Variants in ZSWIM2 observed in about 807,000 individuals in gnomAD.
The protein encoded by ZSWIM2 is zinc finger SWIM-type containing 2.
ZSWIM2 carries 38 observed loss-of-function variants against 48.4 expected under a neutral mutation model. The observed-to-expected ratio is 0.79, with a 90% CI of 0.61 to 1.03. The LOEUF is 1.03. Among genes scored for constraint, ZSWIM2 ranks in the 50% least tolerant of loss-of-function variants. The probability of loss-of-function intolerance (pLI) is 0.00; values close to 1 mark genes in which losing one functional copy is unlikely to be tolerated. For synonymous variants in ZSWIM2, 240 were observed against 251.3 expected (o/e 0.96, Z 0.42); for missense variants, 776 against 730.2 (o/e 1.06, Z -0.72).
chr2:186,845,325 T>G (rs1365217089), intron 2 of ZSWIM2, among the ~76,000 whole-genome samples: 1 of 151,434 alleles, frequency 6.6e-6, no homozygotes, highest in Non-Finnish European at 1.5e-5. Flanking sequence ...GTTACAATAT[T>G]GTACAACATG....
Position 186,834,022 on chromosome 2 carries a change from T to G in ZSWIM2, c.752A>C (p.Glu251Ala). The G allele has an allele frequency of 6.2e-7, 1 of 1,608,072 alleles. No homozygotes were observed. The highest frequency in any genetic ancestry group is 8.5e-7 in the Non-Finnish European group (1 of 1,175,436). ...PIEGKCYKCT[E>A]CIEYHLCQEC... is the part of the protein sequence containing the mutation. ...CTGGCATAAGTGATATTCTATGCATTCGGTACACCTAAAAATACAAAACAT... is the reference window on the plus strand; with the variant it reads ...CTGGCATAAGTGATATTCTATGCATGCGGTACACCTAAAAATACAAAACAT... Residue 251 changes from glutamate to alanine, a missense_variant, in exon 6 of 9, where the codon GAA (glutamate) becomes GCA (alanine). Transcript: ENST00000295131.
At chr2:186,833,052 T>A (rs961898177) in intron 7 of ZSWIM2, 68 bp downstream of exon 7, 13 of 658,170 alleles carry the variant, frequency 2.0e-5, no homozygotes, top group Admixed American at 1.5e-4. Flanking sequence ...AAATAAAACT[T>A]ATTCAAATTG....
At chr2:186,834,282 CA>C (rs1400052249) in intron 5 of ZSWIM2, among the ~76,000 whole-genome samples, 1 of 152,064 alleles carries the variant, frequency 6.6e-6, no homozygotes, top group Non-Finnish European at 1.5e-5. Context: ...GTGTTAAAAC[CA>C]AGGGGTTGGC....
rs533309089 is a variant in ZSWIM2 at position 186,833,228 on chromosome 2, C to G, written c.833G>C (p.Arg278Thr). 1.3e-6 allele frequency: 2 copies of G among 1,482,268 alleles called. No homozygotes were observed. Among genetic ancestry groups the G allele is most frequent in the Non-Finnish European group, 1.8e-6 (2 of 1,098,840 alleles). The allele number at this position is 1,482,268 out of a possible 1,614,324, so 91.8% of individuals were successfully genotyped here. A position where few individuals can be genotyped will look rare whatever the true frequency, so the allele number is the denominator to read the frequency against. ...LSHTFTFREK[R>T]NQKWRSLEKR... ...TTCTAGTGATCTCCATTTTTGGTTT[C>G]TTTTCTGTAATAGGTAAAAGTAGAT... Residue 278 changes from arginine to threonine, a missense_variant, in exon 7 of 9, where the codon AGA becomes ACA. Arg to Thr is a moderately conservative substitution (Grantham distance 71, BLOSUM62 -1). Transcript: ENST00000295131.
Position 186,837,314 on chromosome 2 carries a change from C to G in ZSWIM2, c.735G>C (p.Lys245Asn), listed in dbSNP as rs774357636. ...NNCKQFPIEG[K>N]CYKCTECIEY... ...TTACGGATAACACTTACTTATAACACTTCCCCTCAATTGGAAACTGTTTGC... is the reference window on the plus strand; with the variant it reads ...TTACGGATAACACTTACTTATAACAGTTCCCCTCAATTGGAAACTGTTTGC... Residue 245 changes from lysine to asparagine, a missense_variant, in exon 5 of 9, where the codon AAG becomes AAC. Physicochemically the swap from Lys to Asn is moderately conservative, Grantham distance 94 (BLOSUM62 0). Coordinates refer to ENST00000295131, the MANE Select transcript of ZSWIM2 (RefSeq NM_182521.3). 6.2e-7 allele frequency: 1 copy of G among 1,612,652 alleles called. No individual in the cohort carries two copies. Among genetic ancestry groups the G allele is most frequent in the East Asian group, 2.2e-5 (1 of 44,830 alleles).
chr2:186,848,419 A>G (rs1692043807), intron 1 of ZSWIM2, among the ~76,000 whole-genome samples: 1 of 152,254 alleles, frequency 6.6e-6, no homozygotes, highest in Non-Finnish European at 1.5e-5. Context: ...TGGGATATGC[A>G]ATTATGAAAT....
Position 186,828,062 on chromosome 2 carries a change from T to C in ZSWIM2, c.1824A>G (p.Leu608=), listed in dbSNP as rs374663310. ...CAGAGTGAGACACAGGCTGTCTTGA[T>C]AGATGACTACATTTTCGTGTAATTT... The part of the protein sequence containing the change: ...MGEITRKCSH[L]SRQPVSHSVN... The change falls in exon 9 of 9, where the codon CTA becomes CTG. Residue 608 remains leucine, a synonymous_variant. Transcript: ENST00000295131. 1.2e-6 allele frequency: 2 copies of C among 1,613,228 alleles called. No homozygotes were observed. The highest frequency in any genetic ancestry group is 1.7e-6 in the Non-Finnish European group (2 of 1,179,648).
At chr2:186,836,284 A>C (rs1302459713) in intron 5 of ZSWIM2, among the ~76,000 whole-genome samples, 1 of 152,056 alleles carries the variant, frequency 6.6e-6, no homozygotes, top group Non-Finnish European at 1.5e-5. Flanking sequence ...TTTTCCTGGA[A>C]TCCTCTTTGA....
At chr2:186,840,231 G>C (rs1691880306) in intron 3 of ZSWIM2, among the ~76,000 whole-genome samples, 1 of 151,422 alleles carries the variant, frequency 6.6e-6, no homozygotes, top group African/African-American at 2.4e-5. Context: ...CTCTAAAAAA[G>C]GAGAGAAAAA....
rs775437099 is a variant in ZSWIM2 at position 186,837,407 on chromosome 2, A to G, written c.642T>C (p.Ser214=). 3 of 1,613,022 alleles carry G rather than the reference A, an allele frequency of 1.9e-6. No individual in the cohort carries two copies. Among genetic ancestry groups the G allele is most frequent in the Non-Finnish European group, 2.5e-6 (3 of 1,179,330 alleles). Reference sequence around the variant, plus strand: ...TTTCTGCTGCAGCTACTAGTTTGCTAGAGTTTTTGAATTCCTCCAAAATCA... The same window carrying G: ...TTTCTGCTGCAGCTACTAGTTTGCTGGAGTTTTTGAATTCCTCCAAAATCA... ...LKLILEEFKN[S]SKLVAAAEKE... Residue 214 remains serine (S), a synonymous_variant, in exon 5 of 9, where the codon TCT becomes TCC. Transcript: ENST00000295131.
chr2:186,834,223 T>C (rs1464572519), intron 5 of ZSWIM2, among the ~76,000 whole-genome samples, 193 bp from the exon 6 acceptor site: 1 of 152,156 alleles, frequency 6.6e-6, no homozygotes, highest in East Asian at 1.9e-4. Flanking sequence ...ACTGCACAAA[T>C]GTATTATCTT....
At chr2:186,843,670 C>T (rs893343823) in intron 3 of ZSWIM2, among the ~76,000 whole-genome samples, 1 of 151,450 alleles carries the variant, frequency 6.6e-6, no homozygotes, top group African/African-American at 2.4e-5. Context: ...AAGAGGGGAG[C>T]ACAGATGGAG....
chr2:186,844,724 G>A lies in ZSWIM2; in HGVS notation c.276C>T (p.Asn92=), dbSNP rs906191972. The change falls in exon 3 of 9, where the codon AAC becomes AAT. Residue 92 remains asparagine, a synonymous_variant. Coordinates refer to ENST00000295131, the MANE Select transcript of ZSWIM2 (RefSeq NM_182521.3). ...CCAAACCCCAAAACTTACATTCATGGTTCCTTGGAAGCTTGAATTTTTTCA... is the reference window on the plus strand; with the variant it reads ...CCAAACCCCAAAACTTACATTCATGATTCCTTGGAAGCTTGAATTTTTTCA... ...VLLKKFKLPR[N]HESALQLGLG... is the part of the protein sequence containing the mutation. The A allele has an allele frequency of 6.4e-7, 1 of 1,556,210 alleles. No individual in the cohort carries two copies. Among genetic ancestry groups the A allele is most frequent in the African/African-American group, 1.4e-5 (1 of 70,592 alleles).
intron 2 of ZSWIM2, among the ~76,000 whole-genome samples, chr2:186,847,237 A>T (rs1692020910): frequency 6.6e-6 from 1 of 152,104 alleles, no homozygotes; most frequent in African/African-American, 2.4e-5. Flanking sequence ...GTTAACTGAA[A>T]AGGAAAATAT....
At chr2:186,836,178 T>C (rs1691790254) in intron 5 of ZSWIM2, among the ~76,000 whole-genome samples, 1 of 152,084 alleles carries the variant, frequency 6.6e-6, no homozygotes, top group African/African-American at 2.4e-5. Context: ...CTTTTACATG[T>C]GACCTTATCC....
chr2:186,847,161 TA>T (rs1426615207), intron 2 of ZSWIM2, among the ~76,000 whole-genome samples: 1 of 151,916 alleles, frequency 6.6e-6, no homozygotes, highest in South Asian at 2.1e-4. Flanking sequence ...GAACTTTTTA[TA>T]AAAAATAAAT....
rs753164309 is a variant in ZSWIM2 at position 186,828,185 on chromosome 2, G to A, written c.1701C>T (p.Asn567=). 9.9e-6 allele frequency: 16 copies of A among 1,613,408 alleles called. No homozygotes were observed. The highest frequency in any genetic ancestry group is 1.7e-5 in the Admixed American group (1 of 59,896). ...KTPATKIRED[N]KRSTLLPEDF... is the part of the protein sequence containing the mutation. ...CCTCTGGAAGTAAAGTTGATCTCTT[G>A]TTGTCCTCTCTTATTTTAGTGGCAG... The change falls in exon 9 of 9, where the codon AAC becomes AAT. Residue 567 remains asparagine, a synonymous_variant. Coordinates refer to ENST00000295131, the MANE Select transcript of ZSWIM2 (RefSeq NM_182521.3).
intron 5 of ZSWIM2, among the ~76,000 whole-genome samples, chr2:186,834,747 C>G (rs1416010820): frequency 6.6e-6 from 1 of 152,122 alleles, no homozygotes; most frequent in Non-Finnish European, 1.5e-5. Context: ...AACGTAGCAT[C>G]TCTCTGCCTT....
Position 186,837,480 on chromosome 2 carries a change from G to C in ZSWIM2, c.569C>G (p.Ser190Cys). 6.2e-7 allele frequency: 1 copy of C among 1,612,388 alleles called. No individual in the cohort carries two copies. Among genetic ancestry groups the C allele is most frequent in the Non-Finnish European group, 8.5e-7 (1 of 1,179,020 alleles). Reference sequence around the variant, plus strand: ...CCTGCACAGAGGACATTTCAACATGGAAGTGTTTGATGTACTCTGATAATT... The same window carrying C: ...CCTGCACAGAGGACATTTCAACATGCAAGTGTTTGATGTACTCTGATAATT... ...LANYQSTSNT[S>C]MLKCPLCRKE... Residue 190 changes from serine (S) to cysteine (C), a missense_variant, in exon 5 of 9, where the codon TCC (serine) becomes TGC (cysteine). Coordinates refer to ENST00000295131, the MANE Select transcript of ZSWIM2 (RefSeq NM_182521.3).
Sources: allele counts gnomAD v4.1 joint callset (sites outside exome capture counted in the v4.1 genomes callset), GRCh38; gene constraint gnomAD v4.1.1; transcripts MANE v1.5; gene names NCBI Gene and HGNC (gene_info 2026-07-23, HGNC 2026-07-21).